Variants in CACNA1A observed in about 807,000 individuals in gnomAD.
CACNA1A encodes calcium voltage-gated channel subunit alpha1 A, also known as voltage-dependent P/Q-type calcium channel subunit alpha-1A.
A neutral mutation model predicts 262.4 loss-of-function variants in CACNA1A; 57 were observed. That is an observed-to-expected ratio of 0.22 (90% CI 0.18 to 0.27). The LOEUF is 0.27. CACNA1A is among the 10% of genes least tolerant of loss of function. The pLI is 1.00. For missense variants in CACNA1A, 2,526 were observed against 3,562.8 expected (o/e 0.71, Z 7.41); for synonymous variants, 1,431 against 1,419.3 (o/e 1.01, Z -0.18).
At chr19:13,234,857 G>T in intron 34 of CACNA1A, 64 bp downstream of exon 34, 3 of 1,086,328 alleles carry the variant, frequency 2.8e-6, no homozygotes, top group South Asian at 1.2e-5. Context: ...TATGGGAACA[G>T]AAGGATGAAG....
At position 13,317,279 on chromosome 19, in the gene CACNA1A, T is replaced by A; in HGVS notation, c.1388A>T (p.Glu463Val). 6.2e-7 allele frequency: 1 copy of A among 1,612,326 alleles called. No homozygotes were observed. Among genetic ancestry groups the A allele is most frequent in the Non-Finnish European group, 8.5e-7 (1 of 1,178,488 alleles). The change falls in exon 11 of 47, where the codon GAG becomes GTG. Residue 463 changes from glutamate (E) to valine (V), a missense_variant. By Grantham distance (121) the Glu-to-Val change is moderately radical. Around this residue, in one of 17 missense-constraint regions of CACNA1A, gnomAD observed 104 missense variants for 127.6 expected, o/e 0.81. Transcript: ENST00000360228. ...ARASIKSAKL[E>V]NSTFFHKKER... ...CTTTTTGTGAAAAAAGGTCGAGTTCTCCAGCTTGGCACTTTTAATGCTGGC... is the reference window on the plus strand; with the variant it reads ...CTTTTTGTGAAAAAAGGTCGAGTTCACCAGCTTGGCACTTTTAATGCTGGC...
At chr19:13,411,769 T>C (rs1490979958) in intron 3 of CACNA1A, among the ~76,000 whole-genome samples, 1 of 151,856 alleles carries the variant, frequency 6.6e-6, no homozygotes, top group Non-Finnish European at 1.5e-5. Flanking sequence ...TGAAGCACAA[T>C]GGTGCAACTA....
At chr19:13,245,951 C>T (rs1406993180) in intron 30 of CACNA1A, among the ~76,000 whole-genome samples, 2 of 152,152 alleles carry the variant, frequency 1.3e-5, no homozygotes, top group Admixed American at 1.3e-4. Flanking sequence ...GGATTATAGG[C>T]GTGAGCCACC....
intron 45 of CACNA1A, 42 bp downstream of exon 45, chr19:13,209,270 T>C (rs571884353): frequency 1.4e-6 from 2 of 1,437,080 alleles, no homozygotes; most frequent in Admixed American, 2.9e-5. Flanking sequence ...CCCTCTCCTC[T>C]CCTCTGTTCT....
intron 3 of CACNA1A, among the ~76,000 whole-genome samples, chr19:13,393,229 A>G (rs1392743521): frequency 2.0e-5 from 3 of 152,242 alleles, no homozygotes. Context: ...CAAAGTAGAA[A>G]GCACCAAACT....
intron 3 of CACNA1A, among the ~76,000 whole-genome samples, chr19:13,392,302 G>A (rs1287754383): frequency 6.6e-6 from 1 of 152,240 alleles, no homozygotes; most frequent in Non-Finnish European, 1.5e-5. Context: ...GTGTTTTGAA[G>A]GGTACTGTTG....
chr19:13,494,001 T>C (rs1422257), intron 1 of CACNA1A, among the ~76,000 whole-genome samples: 76,808 of 152,070 alleles, frequency 0.51, 20,386 homozygotes, highest in South Asian at 0.63. Context: ...AAAATTGTCA[T>C]AATAGCTTCA....
At chr19:13,336,592 A>AGGGG (rs1340777264) in intron 6 of CACNA1A, among the ~76,000 whole-genome samples, 2 of 92,886 alleles carry the variant, frequency 2.2e-5, no homozygotes, top group African/African-American at 7.4e-5. Flanking sequence ...AGAGAGAGAG[A>AGGGG]GGGAGAGAGA....
chr19:13,290,631 TG>T (rs1460694790), intron 19 of CACNA1A, among the ~76,000 whole-genome samples: 3 of 152,068 alleles, frequency 2.0e-5, no homozygotes, highest in Non-Finnish European at 4.4e-5. Flanking sequence ...AGGCTGGTAT[TG>T]AACTCCTGGG....
intron 1 of CACNA1A, among the ~76,000 whole-genome samples, chr19:13,466,571 C>T (rs2061243716): frequency 6.6e-6 from 1 of 152,024 alleles, no homozygotes; most frequent in South Asian, 2.1e-4. Context: ...GAACTCCTGA[C>T]CTCAAGTGAT....
rs774946211 is a variant in CACNA1A, at chr19:13,212,129, T to C, written c.6277A>G (p.Met2093Val). 2.5e-6 allele frequency: 4 copies of C among 1,612,962 alleles called. No individual in the cohort carries two copies. In the African/African-American group the frequency reaches 4.0e-5, roughly 16 times the overall value. The change falls in exon 43 of 47, where the codon ATG becomes GTG. Residue 2093 changes from methionine to valine, a missense_variant. This residue lies in a region of CACNA1A where 929 missense variants were observed against 868.1 expected (regional missense o/e 1.07). Transcript: ENST00000360228. This position sits in a 1 kb window ranked among gnomAD's most constrained non-coding sequence, Gnocchi z 5.6. The part of the protein sequence containing the change: ...PMEGQGRAAS[M>V]PRLPAENQRR... ...TGGTTCTCTGCAGGGAGGCGGGGCA[T>C]GGAGGCAGCCCGGCCCTGGCCTTCC... is the stretch of plus-strand genomic sequence containing the variant.
rs1481569926 is a variant in CACNA1A at position 13,278,696 on chromosome 19, A to G, written c.3823-1568T>C. Among the ~76,000 whole-genome samples, 5 of 152,346 alleles carry G rather than the reference A, an allele frequency of 3.3e-5. No individual in the cohort carries two copies. The East Asian group carries it at 7.7e-4, about 23-fold the overall frequency. ...CCATGGCGTCTCCAGCTTATAATACAGGGTCAGGAATACAGTAGGTGCTCA... is the reference window on the plus strand; with the variant it reads ...CCATGGCGTCTCCAGCTTATAATACGGGGTCAGGAATACAGTAGGTGCTCA... On this transcript the variant is annotated intron_variant, in intron 22 of 46. Transcript: ENST00000360228.
intron 23 of CACNA1A, 34 bp downstream of exon 23, chr19:13,277,033 AAT>A: frequency 6.6e-7 from 1 of 1,522,904 alleles, no homozygotes; most frequent in South Asian, 1.1e-5. Flanking sequence ...TAAAAAAAAA[AAT>A]TACCGTGTGT....
intron 3 of CACNA1A, among the ~76,000 whole-genome samples, chr19:13,430,416 A>C (rs1295538928): frequency 6.6e-6 from 1 of 152,118 alleles, no homozygotes; most frequent in Non-Finnish European, 1.5e-5. Context: ...CATGTTGGCC[A>C]GGCTGGTCTC....
At chr19:13,323,299 A>C (rs1375740116) in intron 10 of CACNA1A, among the ~76,000 whole-genome samples, 1 of 151,978 alleles carries the variant, frequency 6.6e-6, no homozygotes, top group Non-Finnish European at 1.5e-5. Flanking sequence ...AACAAACAAA[A>C]AGATAATAGC....
At chr19:13,440,382 G>T (rs2060695826) in intron 3 of CACNA1A, among the ~76,000 whole-genome samples, 1 of 152,182 alleles carries the variant, frequency 6.6e-6, no homozygotes, top group Non-Finnish European at 1.5e-5. Flanking sequence ...TATAGAAAGG[G>T]GAGGATTCTC....
chr19:13,234,847 T>C (rs766758578), intron 34 of CACNA1A, 74 bp downstream of exon 34: 6 of 1,013,322 alleles, frequency 5.9e-6, no homozygotes, highest in Admixed American at 1.7e-5. Context: ...GTACATCCTC[T>C]ATGGGAACAG....
At chr19:13,420,778 C>T (rs1474890131) in intron 3 of CACNA1A, among the ~76,000 whole-genome samples, 3 of 152,154 alleles carry the variant, frequency 2.0e-5, no homozygotes, top group East Asian at 1.9e-4. Flanking sequence ...GGTGACATGC[C>T]TTTGCCCCTG....
intron 3 of CACNA1A, among the ~76,000 whole-genome samples, chr19:13,438,522 T>C (rs1039209159): frequency 1.3e-5 from 2 of 152,166 alleles, no homozygotes; most frequent in African/African-American, 2.4e-5. Flanking sequence ...TGAAAGACCA[T>C]AGGGAGTGGA....
Sources: allele counts gnomAD v4.1 joint callset (sites outside exome capture counted in the v4.1 genomes callset), GRCh38; gene constraint gnomAD v4.1.1; regional missense constraint gnomAD v4.1.1; non-coding constraint Gnocchi (gnomAD v3.1); transcripts MANE v1.5; gene names NCBI Gene and HGNC (gene_info 2026-07-23, HGNC 2026-07-21).